The following CUBN variants were observed in gnomAD, a reference collection of about 807,000 sequenced individuals.
CUBN encodes 460 kDa receptor.
Under a neutral mutation model 405.3 loss-of-function variants are expected in CUBN, and 282 were observed. The ratio of observed to expected loss-of-function variants is 0.70; its 90% CI spans 0.63 to 0.77. The LOEUF is 0.77. CUBN is among the 30% of genes least tolerant of loss of function. CUBN has a pLI of 0.00. For synonymous variants in CUBN, 1,684 were observed against 1,617.0 expected, an observed-to-expected ratio of 1.04 and a Z score of -0.99; for missense variants, 4,514 against 4,475.2, an observed-to-expected ratio of 1.01 and a Z score of -0.25.
intron 31 of CUBN, among the ~76,000 whole-genome samples, chr10:16,981,778 C>T (rs1204313018): frequency 1.3e-5 from 2 of 152,172 alleles, no homozygotes; most frequent in Non-Finnish European, 2.9e-5. Flanking sequence ...CCACCCCCTT[C>T]GCAAGTCCTG....
chr10:16,927,028 G>A (rs1370423307), intron 41 of CUBN, among the ~76,000 whole-genome samples: 2 of 151,672 alleles, frequency 1.3e-5, no homozygotes, highest in East Asian at 3.9e-4. Flanking sequence ...CCACTCACAG[G>A]TTAAATTTGA....
At chr10:16,954,574 A>G in intron 31 of CUBN, 26 bp from the exon 32 acceptor site, 2 of 1,611,882 alleles carry the variant, frequency 1.2e-6, no homozygotes, top group African/African-American at 1.3e-5. Context: ...CAGGGCAAAC[A>G]GTGGTTCAGA....
At chr10:17,055,134 A>G (rs11254346) in intron 22 of CUBN, among the ~76,000 whole-genome samples, 7,443 of 152,110 alleles carry the variant, frequency 0.049, 622 homozygotes, top group African/African-American at 0.17. Flanking sequence ...GACAGTAGAA[A>G]ACTAAATCAA....
chr10:16,829,925 T>C (rs1564373749), intron 65 of CUBN, among the ~76,000 whole-genome samples: 1 of 118,984 alleles, frequency 8.4e-6, no homozygotes, highest in Non-Finnish European at 1.7e-5. Context: ...GGGTTCATGG[T>C]GGGTTTTTTT....
At chr10:17,022,723 TAAAC>T (rs1235211435) in intron 27 of CUBN, among the ~76,000 whole-genome samples, 2 of 152,218 alleles carry the variant, frequency 1.3e-5, no homozygotes, top group East Asian at 3.9e-4. Flanking sequence ...AGTACAGTTC[TAAAC>T]TAATTAGCAC....
intron 31 of CUBN, among the ~76,000 whole-genome samples, chr10:16,955,472 G>C (rs1843034250): frequency 6.6e-6 from 1 of 151,064 alleles, no homozygotes; most frequent in Non-Finnish European, 1.5e-5. Flanking sequence ...CTGGGACCTA[G>C]CTGACCCTCC....
chr10:16,980,378 A>G (rs1291289015), intron 31 of CUBN, among the ~76,000 whole-genome samples: 3 of 152,252 alleles, frequency 2.0e-5, no homozygotes, highest in Non-Finnish European at 2.9e-5. Flanking sequence ...TCTACTATAA[A>G]GAGAGATGCA....
chr10:17,087,836 A>G (rs150718636), intron 15 of CUBN, among the ~76,000 whole-genome samples: 171 of 152,294 alleles, frequency 1.1e-3, no homozygotes, highest in African/African-American at 3.9e-3. Context: ...AGACAACTGA[A>G]GGTTTGAATC....
rs138022214 is a variant in CUBN at position 16,984,254 on chromosome 10, G to A, written c.4376C>T (p.Ser1459Phe). Residue 1459 changes from serine (S) to phenylalanine (F), a missense_variant, in exon 30 of 67, where the codon TCT becomes TTT. Ser to Phe is a radical substitution (Grantham distance 155). This residue lies in a region of CUBN where 1,613 missense variants were observed against 1,542.8 expected (regional missense o/e 1.05). Transcript: ENST00000377833. ...GGTACACAGTTGGGCTATTCTGGGA[G>A]AGTGGAAATCGGGGCCTCCATAGAT... ...LEIYGGPDFHSPRIAQLCTQR... is the reference protein window; with the variant it reads ...LEIYGGPDFHFPRIAQLCTQR... The A allele has an allele frequency of 2.5e-6, 4 of 1,614,146 alleles. No homozygotes were observed. The highest frequency in any genetic ancestry group is 2.7e-5 in the African/African-American group (2 of 75,038).
rs573051510 is a variant in CUBN at position 16,852,664 on chromosome 10, G to A, written c.9455-1221C>T. Among the ~76,000 whole-genome samples, 13 of 152,172 alleles carry A rather than the reference G, an allele frequency of 8.5e-5. No individual in the cohort carries two copies. The South Asian group carries it at 2.7e-3, about 32-fold the overall frequency. ...TTTGGGATTGCTGATGTGATTTATT[G>A]AAGATTTTCCTGGCCTTGAAAAATC... On this transcript the variant is annotated intron_variant, in intron 59 of 66. Coordinates refer to ENST00000377833, the MANE Select transcript of CUBN (RefSeq NM_001081.4).
At chr10:16,863,435 T>G (rs562097571) in intron 59 of CUBN, among the ~76,000 whole-genome samples, 155 of 152,164 alleles carry the variant, frequency 1.0e-3, no homozygotes, top group Non-Finnish European at 1.4e-3. Context: ...AAACTGAGAG[T>G]TGTTTGATCA....
At chr10:17,121,967 C>CTT (rs1837053165) in intron 6 of CUBN, 1 of 152,216 alleles carries the variant, frequency 6.6e-6, no homozygotes, top group African/African-American at 2.4e-5. Flanking sequence ...AGGAAAGACA[C>CTT]TGTCTAGTTT....
rs72773214 is a variant in CUBN, at chr10:16,927,053, C to T, written c.6271+1104G>A. On this transcript the variant is annotated intron_variant, in intron 41 of 66. Coordinates refer to ENST00000377833, the MANE Select transcript of CUBN (RefSeq NM_001081.4). Reference sequence around the variant, plus strand: ...GTTAAATTTGAAATACATTCTAGACCGGGAGCTGCCAAGTATGTATATATA... The same window carrying T: ...GTTAAATTTGAAATACATTCTAGACTGGGAGCTGCCAAGTATGTATATATA... Among the ~76,000 whole-genome samples, 999 of 151,870 alleles carry T rather than the reference C, an allele frequency of 6.6e-3. 10 individuals carry two copies. Among genetic ancestry groups the T allele is most frequent in the Non-Finnish European group, 0.012 (813 of 67,986 alleles).
chr10:17,088,270 C>G lies in CUBN; in HGVS notation c.1841G>C (p.Arg614Thr). The change falls in exon 15 of 67, where the codon AGA becomes ACA. Residue 614 changes from arginine (R) to threonine (T), a missense_variant. Arg to Thr is a moderately conservative substitution (Grantham distance 71). Coordinates refer to ENST00000377833, the MANE Select transcript of CUBN (RefSeq NM_001081.4). ...AGTTACAACAATCCAGACACAATCT[C>G]TTCCTGGGGGATAGTTTCCAGGATA... is the stretch of plus-strand genomic sequence containing the variant. ...PGYPGNYPPG[R>T]DCVWIVVTSP... is the part of the protein sequence containing the mutation. 6.2e-7 allele frequency: 1 copy of G among 1,613,756 alleles called. No individual in the cohort carries two copies. The highest frequency in any genetic ancestry group is 8.5e-7 in the Non-Finnish European group (1 of 1,179,654).
At chr10:16,931,126 C>T (rs779681369) in intron 40 of CUBN, among the ~76,000 whole-genome samples, 71 of 151,360 alleles carry the variant, frequency 4.7e-4, no homozygotes, top group Middle Eastern at 3.4e-3. Flanking sequence ...TAGCTGAGTG[C>T]GGTGGCGGGT....
At chr10:17,108,074 T>A (rs1489584398) in intron 10 of CUBN, among the ~76,000 whole-genome samples, 2 of 152,198 alleles carry the variant, frequency 1.3e-5, no homozygotes, top group Non-Finnish European at 2.9e-5. Flanking sequence ...TATTAATACT[T>A]CATGTCATCA....
At chr10:17,075,664 T>A (rs1281798925) in intron 17 of CUBN, among the ~76,000 whole-genome samples, 1 of 152,224 alleles carries the variant, frequency 6.6e-6, no homozygotes, top group African/African-American at 2.4e-5. Context: ...TTCAGCCATA[T>A]GATAGAGTCT....
Position 16,843,814 on chromosome 10 carries a change from G to C in CUBN, c.9664-2767C>G, listed in dbSNP as rs184756190. ...ATTAAATATACAAATACATATATTT[G>C]TGTAATATGCACATACACTATGCAT... On this transcript the variant is annotated intron_variant, in intron 60 of 66. Transcript: ENST00000377833. Among the ~76,000 whole-genome samples the C allele has an allele frequency of 3.3e-4, 50 of 152,262 alleles. 2 individuals carry two copies. The East Asian group carries it at 9.1e-3, about 28-fold the overall frequency.
intron 31 of CUBN, among the ~76,000 whole-genome samples, chr10:16,958,159 G>A (rs1276542269): frequency 6.6e-6 from 1 of 152,046 alleles, no homozygotes; most frequent in Non-Finnish European, 1.5e-5. Context: ...CCATTTCCTT[G>A]GGGGTCCTTT....
Sources: allele counts gnomAD v4.1 joint callset (sites outside exome capture counted in the v4.1 genomes callset), GRCh38; gene constraint gnomAD v4.1.1; regional missense constraint gnomAD v4.1.1; transcripts MANE v1.5; gene names NCBI Gene and HGNC (gene_info 2026-07-23, HGNC 2026-07-21).